CEP192: variants seen among roughly 807,000 people sequenced by gnomAD.
CEP192 encodes the protein centrosomal protein of 192 kDa.
CEP192 carries 151 observed loss-of-function variants against 271.8 expected under a neutral mutation model. The ratio of observed to expected loss-of-function variants is 0.56; its 90% CI spans 0.49 to 0.64. The LOEUF (loss-of-function observed/expected upper bound fraction) is 0.64. Among genes scored for constraint, CEP192 ranks in the 30% least tolerant of loss-of-function variants. The pLI is 0.00. For missense variants in CEP192, 2,910 were observed against 3,020.5 expected, an observed-to-expected ratio of 0.96 and a Z score of 0.86; for synonymous variants, 995 against 1,076.5, an observed-to-expected ratio of 0.92 and a Z score of 1.48.
chr18:13,034,441 A>C (rs1425188957), intron 11 of CEP192, among the ~76,000 whole-genome samples: 1 of 152,138 alleles, frequency 6.6e-6, no homozygotes, highest in Non-Finnish European at 1.5e-5. Flanking sequence ...AAAGGGTGTA[A>C]TCTTGTAACG....
chr18:13,031,981 G>T (rs1298144314), intron 11 of CEP192, among the ~76,000 whole-genome samples: 1 of 152,172 alleles, frequency 6.6e-6, no homozygotes, highest in Non-Finnish European at 1.5e-5. Flanking sequence ...CAGGATAAAG[G>T]GAGAGTGGCC....
intron 15 of CEP192, among the ~76,000 whole-genome samples, chr18:13,046,772 A>G (rs1015819848): frequency 9.3e-5 from 14 of 151,204 alleles, no homozygotes; most frequent in African/African-American, 3.1e-4. Context: ...ATTTATAAAT[A>G]ACCAGTATTT....
chr18:13,024,893 C>A (rs1568297535), intron 9 of CEP192, among the ~76,000 whole-genome samples: 1 of 152,122 alleles, frequency 6.6e-6, no homozygotes, highest in Non-Finnish European at 1.5e-5. Context: ...CCTCAGCCTC[C>A]CAAGTAGCTG....
At chr18:13,008,877 T>A (rs1234067060) in intron 4 of CEP192, among the ~76,000 whole-genome samples, 1 of 152,120 alleles carries the variant, frequency 6.6e-6, no homozygotes, top group Non-Finnish European at 1.5e-5. Flanking sequence ...AGGCTAACTT[T>A]TTGTGTTTTT....
intron 18 of CEP192, among the ~76,000 whole-genome samples, chr18:13,053,743 A>C (rs2036931428): frequency 6.6e-6 from 1 of 152,002 alleles, no homozygotes; most frequent in Non-Finnish European, 1.5e-5. Flanking sequence ...AGGCTGGAGT[A>C]TGGTGGCACG....
At chr18:13,102,146 T>G (rs1480335583) in intron 38 of CEP192, among the ~76,000 whole-genome samples, 1 of 151,974 alleles carries the variant, frequency 6.6e-6, no homozygotes. Context: ...CCCCCACAGC[T>G]GGGGGCCCTT....
chr18:13,056,543 T>G lies in CEP192; in HGVS notation c.3953T>G (p.Ile1318Ser), dbSNP rs1332391375. Residue 1318 changes from isoleucine to serine, a missense_variant, in exon 19 of 45, where the codon ATC becomes AGC. Physicochemically the swap from Ile to Ser is moderately radical, Grantham distance 142. Transcript: ENST00000506447. ...GTGGGAATTTGTCTAGGATCAAATA[T>G]CGGCTCTGGATGGATGGGTACCTCT... ...VAVGICLGSNIGSGWMGTSSL... is the reference protein window; with the variant it reads ...VAVGICLGSNSGSGWMGTSSL... The G allele has an allele frequency of 1.9e-5, 30 of 1,614,066 alleles. No individual in the cohort carries two copies. The highest frequency in any genetic ancestry group is 2.5e-5 in the Non-Finnish European group (30 of 1,180,034).
intron 11 of CEP192, among the ~76,000 whole-genome samples, chr18:13,031,913 T>C (rs905668823): frequency 6.6e-5 from 10 of 152,096 alleles, no homozygotes; most frequent in Admixed American, 1.3e-4. Flanking sequence ...AGGAATGAGA[T>C]GGTGAAGTGT....
intron 14 of CEP192, among the ~76,000 whole-genome samples, chr18:13,041,540 C>G (rs2036203201): frequency 6.6e-6 from 1 of 151,082 alleles, no homozygotes; most frequent in African/African-American, 2.4e-5. Flanking sequence ...GATGCACCCA[C>G]TTATTTCTTT....
intron 18 of CEP192, among the ~76,000 whole-genome samples, chr18:13,053,729 A>G (rs557635344): frequency 6.6e-6 from 1 of 152,222 alleles, no homozygotes; most frequent in Admixed American, 6.5e-5. Context: ...TCGCTCTGTC[A>G]CCCAGGCTGG....
rs552938536 is a variant in CEP192 at position 13,114,303 on chromosome 18, A to G, written c.7289+52A>G. The G allele has an allele frequency of 3.9e-5, 61 of 1,582,610 alleles. No homozygotes were observed. The African/African-American group carries it at 8.0e-4, about 21-fold the overall frequency. On this transcript the variant is annotated intron_variant, in intron 42 of 44. Transcript: ENST00000506447. ...GTTTTTTCCCAGTACTTTATTGAGG[A>G]ATAGAGTCAGTAAAATGCTCGATGA...
intron 14 of CEP192, 81 bp from the exon 15 acceptor site, chr18:13,042,123 A>G (rs2036240485): frequency 6.7e-6 from 8 of 1,191,078 alleles, no homozygotes. Context: ...TAAATTAGTC[A>G]TTTTGCCTGG....
chr18:13,016,783 C>G (rs1180248908), intron 6 of CEP192, among the ~76,000 whole-genome samples: 1 of 152,044 alleles, frequency 6.6e-6, no homozygotes, highest in Admixed American at 6.6e-5. Context: ...TTTCTCCTTC[C>G]CTCCCTCCTC....
At chr18:13,072,709 A>G (rs772689469) in intron 28 of CEP192, 46 bp from the exon 29 acceptor site, 17 of 1,256,002 alleles carry the variant, frequency 1.4e-5, no homozygotes, top group African/African-American at 5.9e-5. Flanking sequence ...AATGGTAGCA[A>G]TATCCATGGA....
chr18:13,036,823 A>G (rs1335745140), intron 11 of CEP192, among the ~76,000 whole-genome samples: 2 of 152,224 alleles, frequency 1.3e-5, no homozygotes, highest in Non-Finnish European at 2.9e-5. Flanking sequence ...GATGGGGGGC[A>G]AGCGGTCCTG....
chr18:13,098,024 A>G (rs2039491955), intron 36 of CEP192, among the ~76,000 whole-genome samples: 1 of 152,098 alleles, frequency 6.6e-6, no homozygotes, highest in African/African-American at 2.4e-5. Flanking sequence ...AACAAAATGA[A>G]AAGTCTCCCA....
chr18:13,049,517 C>G lies in CEP192; in HGVS notation c.2726C>G (p.Ser909Ter), dbSNP rs754880881. ...TCCACTCCATCTGATAGTTATTCAT[C>G]AGTGAGGAACCCCAGAATAACATCC... ...SISTPSDSYS[S>*]VRNPRITSLC... is the part of the protein sequence containing the mutation. The change falls in exon 16 of 45, where the codon TCA becomes TGA. Residue 909 changes from serine (S) to a stop codon, truncating the protein, a stop_gained. Transcript: ENST00000506447. LOFTEE classifies it high-confidence loss of function. The G allele has an allele frequency of 6.2e-7, 1 of 1,613,840 alleles. No homozygotes were observed. The highest frequency in any genetic ancestry group is 1.3e-5 in the African/African-American group (1 of 74,850).
intron 24 of CEP192, among the ~76,000 whole-genome samples, 158 bp from the exon 25 acceptor site, chr18:13,068,694 A>C (rs78402661): frequency 0.032 from 4,903 of 152,106 alleles, 96 homozygotes; most frequent in Middle Eastern, 0.095. Context: ...TTCTTTTATC[A>C]CCTTTCTCTT....
chr18:13,053,374 GTGGT>G (rs2036906985), intron 18 of CEP192, among the ~76,000 whole-genome samples: 1 of 152,204 alleles, frequency 6.6e-6, no homozygotes, highest in Non-Finnish European at 1.5e-5. Context: ...TCAGAAGGTG[GTGGT>G]TGGAAGTCTG....
Sources: allele counts gnomAD v4.1 joint callset (sites outside exome capture counted in the v4.1 genomes callset), GRCh38; gene constraint gnomAD v4.1.1; transcripts MANE v1.5; gene names NCBI Gene and HGNC (gene_info 2026-07-23, HGNC 2026-07-21).